BCAS3: variants seen among roughly 807,000 people sequenced by gnomAD.
The protein encoded by BCAS3 is BCAS3 microtubule associated cell migration factor, also known as BCAS4/BCAS3 fusion.
Under a neutral mutation model 116.1 loss-of-function variants are expected in BCAS3, and 53 were observed. That is an observed-to-expected ratio of 0.46 (90% CI 0.37 to 0.57). BCAS3 has a LOEUF of 0.57. Ranked by LOEUF, BCAS3 falls within the 20% of genes least tolerant of loss-of-function variation. The pLI is 0.00. For missense variants in BCAS3, 917 were observed against 1,165.4 expected, an observed-to-expected ratio of 0.79 and a Z score of 3.10; for synonymous variants, 391 against 408.2, an observed-to-expected ratio of 0.96 and a Z score of 0.51.
chr17:61,170,434 G>T (rs112524165), intron 22 of BCAS3, among the ~76,000 whole-genome samples: 1 of 151,492 alleles, frequency 6.6e-6, no homozygotes, highest in Non-Finnish European at 1.5e-5. Flanking sequence ...CTGGGACTAC[G>T]GGTGCCCACC....
chr17:61,218,274 T>G lies in BCAS3; in HGVS notation c.2425+133710T>G, dbSNP rs926238143. Among the ~76,000 whole-genome samples the G allele has an allele frequency of 2.6e-5, 4 of 152,150 alleles. 1 individual carries two copies. In the South Asian group the frequency reaches 8.3e-4, roughly 32 times the overall value. On this transcript the variant is annotated intron_variant, in intron 22 of 23. Transcript: ENST00000407086. ...TGAGTAGTAGCATCCAAAGGTTAGG[T>G]AATGCCCCTTTTCCTAGCCGAAAGA...
chr17:60,811,595 T>TA (rs573134477), intron 7 of BCAS3: 147 of 331,326 alleles, frequency 4.4e-4, no homozygotes, highest in African/African-American at 3.0e-3. Context: ...TTAAAGCAGC[T>TA]ATTATAAATG....
intron 22 of BCAS3, among the ~76,000 whole-genome samples, chr17:61,275,792 C>T (rs142894678): frequency 5.0e-4 from 76 of 152,246 alleles, no homozygotes; most frequent in African/African-American, 1.7e-3. Context: ...GCCACAGCAC[C>T]GTGTGCCCTA....
chr17:61,129,634 C>T (rs2076226674), intron 22 of BCAS3, among the ~76,000 whole-genome samples: 1 of 152,222 alleles, frequency 6.6e-6, no homozygotes, highest in South Asian at 2.1e-4. Flanking sequence ...ATCCTTTTGG[C>T]TCTGTAAACA....
chr17:60,780,088 CA>C (rs2045667273), intron 6 of BCAS3, among the ~76,000 whole-genome samples: 1 of 151,206 alleles, frequency 6.6e-6, no homozygotes. Flanking sequence ...CTCCTGGATT[CA>C]AGCGATTCTT....
rs549442658 is a variant in BCAS3 at position 61,366,915 on chromosome 17, A to G, written c.2426-1412A>G. Among the ~76,000 whole-genome samples the G allele has an allele frequency of 5.9e-5, 9 of 152,360 alleles. No individual in the cohort carries two copies. The highest frequency in any genetic ancestry group is 1.9e-4 in the African/African-American group (8 of 41,588). On this transcript the variant is annotated intron_variant, in intron 22 of 23. Coordinates refer to ENST00000407086, the MANE Select transcript of BCAS3 (RefSeq NM_017679.5). The surrounding 1 kb of genome is among the most constrained non-coding windows in gnomAD (Gnocchi z 4.5). ...GGCCTTTGTCTGGCCAGGAGAGTTCAGGATTATCTGGCCCTCTTTGCTGAT... is the reference window on the plus strand; with the variant it reads ...GGCCTTTGTCTGGCCAGGAGAGTTCGGGATTATCTGGCCCTCTTTGCTGAT...
At chr17:61,246,299 G>C (rs2047937233) in intron 22 of BCAS3, among the ~76,000 whole-genome samples, 1 of 151,836 alleles carries the variant, frequency 6.6e-6, no homozygotes, top group East Asian at 1.9e-4. Context: ...TGGGCAACAT[G>C]ACGAAACCCC....
chr17:61,025,339 A>C (rs2066162618), intron 16 of BCAS3, among the ~76,000 whole-genome samples: 1 of 152,078 alleles, frequency 6.6e-6, no homozygotes, highest in South Asian at 2.1e-4. Context: ...GGTTCTGTGG[A>C]CCAGCAGCAT....
At chr17:60,969,079 C>T (rs1366946496) in intron 14 of BCAS3, among the ~76,000 whole-genome samples, 1 of 152,012 alleles carries the variant, frequency 6.6e-6, no homozygotes, top group African/African-American at 2.4e-5. Context: ...AATCTCTTAC[C>T]ATTCACTCTG....
At chr17:60,864,493 A>G (rs1328426466) in intron 7 of BCAS3, among the ~76,000 whole-genome samples, 2 of 152,238 alleles carry the variant, frequency 1.3e-5, no homozygotes, top group African/African-American at 4.8e-5. Context: ...TCATTTAGGC[A>G]CTACAATGGG....
intron 14 of BCAS3, among the ~76,000 whole-genome samples, chr17:60,972,048 G>A (rs2061994558): frequency 1.3e-5 from 2 of 152,126 alleles, no homozygotes; most frequent in Non-Finnish European, 2.9e-5. Context: ...GGAATCCTAC[G>A]TTGTTTCTGG....
At chr17:60,679,424 T>TTTTG (rs773898879) in intron 1 of BCAS3, 29 bp from the exon 2 acceptor site, 11 of 1,535,982 alleles carry the variant, frequency 7.2e-6, no homozygotes, top group South Asian at 1.1e-5. Context: ...TTTTTCTGTT[T>TTTTG]TTTGTTTGTT....
intron 22 of BCAS3, among the ~76,000 whole-genome samples, chr17:61,184,104 A>G (rs2079629963): frequency 6.6e-6 from 1 of 152,160 alleles, no homozygotes; most frequent in South Asian, 2.1e-4. Context: ...AATAAATGAC[A>G]TTTTAGTTGA....
At chr17:60,807,819 G>T (rs1422965908) in intron 6 of BCAS3, among the ~76,000 whole-genome samples, 185 bp from the exon 7 acceptor site, 2 of 150,684 alleles carry the variant, frequency 1.3e-5, no homozygotes, top group Non-Finnish European at 3.0e-5. Flanking sequence ...TTTTTAAAAT[G>T]ATTACATATA....
intron 7 of BCAS3, among the ~76,000 whole-genome samples, chr17:60,816,304 C>G (rs1414522425): frequency 1.5e-5 from 2 of 136,568 alleles, no homozygotes; most frequent in South Asian, 4.3e-4. Context: ...GAGACGGAGT[C>G]TTGCTCTGTC....
In BCAS3 at chr17:61,213,225, G is replaced by A. The variant is rs545201600; in HGVS notation, c.2425+128661G>A. On this transcript the variant is annotated intron_variant, in intron 22 of 23. Coordinates refer to ENST00000407086, the MANE Select transcript of BCAS3 (RefSeq NM_017679.5). This position sits in a 1 kb window ranked among gnomAD's most constrained non-coding sequence, Gnocchi z 5.4. ...CACTCTGTCACCCAGGCTGGAGTGC[G>A]GTGGTGCAGTCTTGGCTCACTGCAA... 3.3e-5 allele frequency among the ~76,000 whole-genome samples: 5 copies of A among 152,032 alleles called. No homozygotes were observed. Among genetic ancestry groups the A allele is most frequent in the East Asian group, 1.9e-4 (1 of 5,168 alleles).
At position 60,924,418 on chromosome 17, in the gene BCAS3, T is replaced by C. The variant is rs774015265; in HGVS notation, c.1005T>C (p.Ser335=). 1.1e-5 allele frequency: 17 copies of C among 1,613,742 alleles called. No individual in the cohort carries two copies. The highest frequency in any genetic ancestry group is 1.4e-5 in the Non-Finnish European group (17 of 1,179,794). The change falls in exon 13 of 24, where the codon AGT becomes AGC. Residue 335 remains serine, a synonymous_variant. Transcript: ENST00000407086. The part of the protein sequence containing the change: ...ETVGEGQVLV[S]EDSDSDGIVA... ...ATTTCTTTGTGAAGGTGCTTGTGAGTGAGGATTCTGACAGTGATGGCATTG... is the reference window on the plus strand; with the variant it reads ...ATTTCTTTGTGAAGGTGCTTGTGAGCGAGGATTCTGACAGTGATGGCATTG...
intron 19 of BCAS3, among the ~76,000 whole-genome samples, chr17:61,058,858 C>T (rs1393070980): frequency 6.6e-6 from 1 of 151,964 alleles, no homozygotes; most frequent in Non-Finnish European, 1.5e-5. Context: ...GGATAAAAAT[C>T]TCTTACATGT....
chr17:60,917,790 G>A (rs1284850202), intron 12 of BCAS3, among the ~76,000 whole-genome samples: 1 of 152,130 alleles, frequency 6.6e-6, no homozygotes, highest in Non-Finnish European at 1.5e-5. Context: ...ACAAGGTTTC[G>A]CTATGTTGGC....
Sources: allele counts gnomAD v4.1 joint callset (sites outside exome capture counted in the v4.1 genomes callset), GRCh38; gene constraint gnomAD v4.1.1; non-coding constraint Gnocchi (gnomAD v3.1); transcripts MANE v1.5; gene names NCBI Gene and HGNC (gene_info 2026-07-23, HGNC 2026-07-21).